Variants in KIAA1217 observed in about 807,000 individuals in gnomAD.
The protein encoded by KIAA1217 is sickle tail protein homolog.
In KIAA1217, 88 loss-of-function variants were observed where a neutral mutation model predicts 163.9. The observed-to-expected ratio is 0.54, with a 90% CI of 0.45 to 0.64. KIAA1217 has a LOEUF of 0.64. Among genes scored for constraint, KIAA1217 ranks in the 30% least tolerant of loss-of-function variants. KIAA1217 has a pLI of 0.00. For synonymous variants in KIAA1217, 903 were observed against 923.1 expected (o/e 0.98, Z 0.39); for missense variants, 2,372 against 2,475.0 (o/e 0.96, Z 0.88).
At chr10:23,709,374 A>T (rs1362155428) in intron 1 of KIAA1217, among the ~76,000 whole-genome samples, 3 of 150,580 alleles carry the variant, frequency 2.0e-5, no homozygotes, top group Middle Eastern at 3.2e-3. Flanking sequence ...ATAGTTTTTT[A>T]AAAATTAGCC....
intron 2 of KIAA1217, among the ~76,000 whole-genome samples, chr10:24,009,938 G>A (rs1847169364): frequency 6.6e-6 from 1 of 152,034 alleles, no homozygotes; most frequent in Non-Finnish European, 1.5e-5. Context: ...TGTCCTTGTG[G>A]TTGTCCATAG....
chr10:23,717,272 A>AT lies in KIAA1217; in HGVS notation c.-321+22048dup, dbSNP rs566192928. ...GAAATAGGTTGAATTCCGCTTTTAG[A>AT]TTTTTTTTTTGCTCTGAATTAAGCT... On this transcript the variant is annotated intron_variant, in intron 1 of 18. Coordinates refer to the KIAA1217 transcript ENST00000376462. 5.0e-3 allele frequency among the ~76,000 whole-genome samples: 746 copies of AT among 149,978 alleles called. 17 individuals carry two copies. Among genetic ancestry groups the AT allele is most frequent in the East Asian group, 0.037 (192 of 5,158 alleles).
At chr10:24,001,069 A>AACACACACAC (rs35481656) in intron 1 of KIAA1217, among the ~76,000 whole-genome samples, 7 of 149,226 alleles carry the variant, frequency 4.7e-5, no homozygotes, top group African/African-American at 1.5e-4. Flanking sequence ...CTGCAAAGTA[A>AACACACACAC]ACACACACAC....
chr10:23,801,281 C>T (rs1206467615), intron 1 of KIAA1217, among the ~76,000 whole-genome samples: 1 of 152,154 alleles, frequency 6.6e-6, no homozygotes, highest in Non-Finnish European at 1.5e-5. Context: ...ACAATGAGAA[C>T]ACATGAACAG....
intron 2 of KIAA1217, among the ~76,000 whole-genome samples, chr10:24,052,478 A>G (rs974753154): frequency 2.0e-5 from 3 of 152,138 alleles, no homozygotes; most frequent in Non-Finnish European, 4.4e-5. Context: ...TTTTCTTTGT[A>G]AAGAACTTAA....
intron 8 of KIAA1217, among the ~76,000 whole-genome samples, chr10:24,496,512 A>T (rs553611747): frequency 6.6e-6 from 1 of 152,246 alleles, no homozygotes; most frequent in Non-Finnish European, 1.5e-5. Flanking sequence ...TCTAAGCAAT[A>T]TGTACGTGCT....
chr10:24,497,624 G>A (rs1592414502), intron 8 of KIAA1217, among the ~76,000 whole-genome samples: 1 of 151,914 alleles, frequency 6.6e-6, no homozygotes, highest in South Asian at 2.1e-4. Context: ...GGAGGCTGAG[G>A]TGGGAAGACT....
intron 2 of KIAA1217, among the ~76,000 whole-genome samples, chr10:24,250,183 C>A (rs1363938181): frequency 2.0e-5 from 3 of 152,144 alleles, no homozygotes; most frequent in East Asian, 1.9e-4. Context: ...AAGCAACCTT[C>A]TTCCTGGCAT....
intron 6 of KIAA1217, among the ~76,000 whole-genome samples, chr10:24,491,286 C>CTTTTT (rs1169407580): frequency 1.5e-3 from 170 of 114,708 alleles, no homozygotes; most frequent in Non-Finnish European, 2.0e-3. Context: ...TTTTTTTTTC[C>CTTTTT]TTTTTTTTTT....
At chr10:24,288,466 C>T (rs977452472) in intron 2 of KIAA1217, among the ~76,000 whole-genome samples, 1 of 152,228 alleles carries the variant, frequency 6.6e-6, no homozygotes, top group Non-Finnish European at 1.5e-5. Flanking sequence ...TTTTACAGAG[C>T]GTCCACACGC....
At chr10:23,791,167 G>T (rs1325285712) in intron 1 of KIAA1217, among the ~76,000 whole-genome samples, 2 of 152,134 alleles carry the variant, frequency 1.3e-5, no homozygotes, top group Non-Finnish European at 2.9e-5. Context: ...TATTGCTATA[G>T]ACATTCTTAA....
chr10:23,838,065 A>G (rs1348237785), intron 1 of KIAA1217, among the ~76,000 whole-genome samples: 2 of 152,122 alleles, frequency 1.3e-5, no homozygotes, highest in African/African-American at 4.8e-5. Context: ...ATAAATCCAA[A>G]TGCCTCTTTT....
intron 1 of KIAA1217, among the ~76,000 whole-genome samples, chr10:23,871,790 GA>G: frequency 6.6e-6 from 1 of 152,064 alleles, no homozygotes; most frequent in Non-Finnish European, 1.5e-5. Context: ...GAAGTACTAT[GA>G]AAAATCAGTA....
intron 2 of KIAA1217, among the ~76,000 whole-genome samples, chr10:24,104,846 T>A (rs75153253): frequency 6.6e-6 from 1 of 152,276 alleles, no homozygotes; most frequent in Admixed American, 6.5e-5. Context: ...ATTTAAAAAT[T>A]TTATCTGTAC....
At chr10:24,058,772 C>CT (rs1164873382) in intron 2 of KIAA1217, among the ~76,000 whole-genome samples, 6 of 151,794 alleles carry the variant, frequency 4.0e-5, no homozygotes, top group Admixed American at 2.0e-4. Flanking sequence ...ATTAGTTTAC[C>CT]TTTTTTTTCT....
chr10:24,465,642 G>A (rs1418195630), intron 5 of KIAA1217, among the ~76,000 whole-genome samples: 1 of 152,214 alleles, frequency 6.6e-6, no homozygotes, highest in Non-Finnish European at 1.5e-5. Context: ...ATCAGAGCCT[G>A]CCTGGGAGCG....
chr10:23,989,625 C>T (rs947840109), intron 1 of KIAA1217, among the ~76,000 whole-genome samples: 13 of 152,076 alleles, frequency 8.5e-5, no homozygotes, highest in African/African-American at 1.4e-4. Context: ...TTAAAATACT[C>T]GATATTCCAA....
chr10:24,187,654 G>T (rs909339260), intron 2 of KIAA1217, among the ~76,000 whole-genome samples: 2 of 152,066 alleles, frequency 1.3e-5, no homozygotes, highest in Admixed American at 6.5e-5. Context: ...ACTTTGGGAG[G>T]CTGAGGCAGG....
chr10:24,447,397 C>G (rs1448581019), intron 5 of KIAA1217, among the ~76,000 whole-genome samples: 1 of 152,110 alleles, frequency 6.6e-6, no homozygotes, highest in African/African-American at 2.4e-5. Flanking sequence ...TCCTCCCACC[C>G]CACAACAGGC....
Sources: gnomAD v4.1 joint callset for allele counts (sites outside exome capture counted in the v4.1 genomes callset) on GRCh38, gnomAD v4.1.1 for gene constraint, MANE v1.5 for transcripts, NCBI Gene and HGNC (gene_info 2026-07-23, HGNC 2026-07-21) for gene names.